SCN8A: variants seen among roughly 807,000 people sequenced by gnomAD.
The protein encoded by SCN8A is sodium voltage-gated channel alpha subunit 8.
In SCN8A, 30 loss-of-function variants were observed where a neutral mutation model predicts 184.1. The observed-to-expected ratio is 0.16, with a 90% CI of 0.12 to 0.22. SCN8A has a LOEUF of 0.22. Ranked by LOEUF, SCN8A falls within the 10% of genes least tolerant of loss-of-function variation. The probability of loss-of-function intolerance (pLI) is 1.00; values close to 1 mark genes in which losing one functional copy is unlikely to be tolerated. For missense variants in SCN8A, 1,057 were observed against 2,498.9 expected (o/e 0.42, Z 12.30); for synonymous variants, 852 against 907.0 (o/e 0.94, Z 1.09).
chr12:51,723,319 C>G (rs1001591491), intron 12 of SCN8A, among the ~76,000 whole-genome samples: 1 of 151,662 alleles, frequency 6.6e-6, no homozygotes, highest in Non-Finnish European at 1.5e-5. Context: ...CCTGTTTGTA[C>G]AAAAAATAAA....
At chr12:51,746,132 A>T in intron 13 of SCN8A, 97 bp downstream of exon 13, 2 of 1,178,316 alleles carry the variant, frequency 1.7e-6, no homozygotes, top group Middle Eastern at 2.1e-4. Flanking sequence ...TTTTGCAAAG[A>T]CTGTCTCTGA....
intron 21 of SCN8A, 140 bp downstream of exon 21, chr12:51,780,911 C>A: frequency 1.9e-6 from 2 of 1,077,666 alleles, no homozygotes; most frequent in South Asian, 2.9e-5. Context: ...ACTCTCTCCC[C>A]CACACCTGCC....
chr12:51,687,265 G>T, intron 5 of SCN8A, 46 bp downstream of exon 5: 3 of 1,606,730 alleles, frequency 1.9e-6, no homozygotes, highest in Non-Finnish European at 2.6e-6. Context: ...GTGATTCTGT[G>T]TGTGGAGTTG....
chr12:51,740,280 G>GA (rs1320917967), intron 12 of SCN8A, among the ~76,000 whole-genome samples: 2 of 152,344 alleles, frequency 1.3e-5, no homozygotes, highest in East Asian at 3.9e-4. Flanking sequence ...ACAAGGTGCT[G>GA]ATAGCTTTAA....
intron 12 of SCN8A, among the ~76,000 whole-genome samples, chr12:51,723,437 A>G (rs1942100978): frequency 2.0e-5 from 3 of 152,216 alleles, no homozygotes; most frequent in Non-Finnish European, 4.4e-5. Flanking sequence ...GGCTACAATG[A>G]GCTATGATCA....
At chr12:51,797,396 G>A (rs1206044842) in intron 26 of SCN8A, among the ~76,000 whole-genome samples, 1 of 93,408 alleles carries the variant, frequency 1.1e-5, no homozygotes, top group Non-Finnish European at 2.7e-5. Flanking sequence ...GCACAAACAT[G>A]TTCTTAACAA....
intron 1 of SCN8A, among the ~76,000 whole-genome samples, chr12:51,629,758 C>G (rs904621072): frequency 1.3e-5 from 2 of 152,024 alleles, no homozygotes; most frequent in Non-Finnish European, 2.9e-5. Context: ...GTGGCATACT[C>G]TTGGGAGAGG....
chr12:51,770,691 C>T lies in SCN8A; in HGVS notation c.3645+8C>T, dbSNP rs768603435. The T allele has an allele frequency of 6.2e-7, 1 of 1,613,072 alleles. No homozygotes were observed. The highest frequency in any genetic ancestry group is 1.1e-5 in the South Asian group (1 of 90,860). On this transcript the variant is annotated splice_region_variant and intron_variant, in intron 19 of 26. Coordinates refer to ENST00000627620, the MANE Select transcript of SCN8A (RefSeq NM_001330260.2). Reference sequence around the variant, plus strand: ...CTGAGCAGTGGCGCCCTGGTGAGGTCCAGGGGAGAGTGTGAGGAGGGATTG... The same window carrying T: ...CTGAGCAGTGGCGCCCTGGTGAGGTTCAGGGGAGAGTGTGAGGAGGGATTG...
chr12:51,608,573 A>G (rs971719550), intron 1 of SCN8A, among the ~76,000 whole-genome samples: 2 of 152,068 alleles, frequency 1.3e-5, no homozygotes, highest in Admixed American at 1.3e-4. Flanking sequence ...TTTCAGTGAT[A>G]TCAGTTGTAA....
chr12:51,648,348 A>G (rs766234404), intron 1 of SCN8A, among the ~76,000 whole-genome samples: 6 of 152,176 alleles, frequency 3.9e-5, no homozygotes, highest in African/African-American at 7.2e-5. Context: ...GACTATAGGC[A>G]TGCCACCACC....
Position 51,765,820 on chromosome 12 carries a change from A to G in SCN8A, c.2694A>G (p.Gly898=). Residue 898 remains glycine, a synonymous_variant, in exon 16 of 27, where the codon GGA becomes GGG. Transcript: ENST00000627620. ...CCGTGGTGGGGATGCAACTCTTTGG[A>G]AAAAGCTACAAAGAGTGTGTCTGCA... ...IFAVVGMQLF[G]KSYKECVCKI... is the part of the protein sequence containing the mutation. 2 of 1,614,000 alleles carry G rather than the reference A, an allele frequency of 1.2e-6. No individual in the cohort carries two copies. The highest frequency in any genetic ancestry group is 8.5e-7 in the Non-Finnish European group (1 of 1,179,976).
In SCN8A at chr12:51,745,931, A is replaced by T; in HGVS notation, c.2027A>T (p.Lys676Ile). Residue 676 changes from lysine to isoleucine, a missense_variant, in exon 13 of 27, where the codon AAA becomes ATA. Lys to Ile is a moderately radical substitution (Grantham distance 102, BLOSUM62 -3). This residue lies in a region of SCN8A where 322 missense variants were observed against 390.1 expected (regional missense o/e 0.83). Transcript: ENST00000627620. The stretch of plus-strand genomic sequence containing the variant: ...ACAACTGAGGTGGAAATTAAGAAGA[A>T]AGGCCCTGGATCTCTTTTAGTTTCC... ...EATTEVEIKK[K>I]GPGSLLVSMD... 6.3e-7 allele frequency: 1 copy of T among 1,595,154 alleles called. No individual in the cohort carries two copies. The highest frequency in any genetic ancestry group is 8.5e-7 in the Non-Finnish European group (1 of 1,173,890).
intron 2 of SCN8A, among the ~76,000 whole-genome samples, chr12:51,663,919 T>TTTTG: frequency 7.4e-6 from 1 of 134,288 alleles, no homozygotes; most frequent in Admixed American, 7.8e-5. Context: ...TTTTTTTTTT[T>TTTTG]TTTTTTTTGA....
At chr12:51,758,661 C>A (rs1942715546) in intron 14 of SCN8A, among the ~76,000 whole-genome samples, 1 of 152,174 alleles carries the variant, frequency 6.6e-6, no homozygotes, top group Admixed American at 6.5e-5. Context: ...TGGTCTTGAA[C>A]TCCTGACCTC....
chr12:51,732,547 G>C (rs981378799), intron 12 of SCN8A, among the ~76,000 whole-genome samples: 1 of 152,036 alleles, frequency 6.6e-6, no homozygotes, highest in Non-Finnish European at 1.5e-5. Flanking sequence ...TGCTTTGGCT[G>C]TTCTGGGTCT....
intron 1 of SCN8A, among the ~76,000 whole-genome samples, chr12:51,609,981 T>A (rs1400787542): frequency 6.6e-6 from 1 of 150,858 alleles, no homozygotes; most frequent in African/African-American, 2.4e-5. Flanking sequence ...ATAAAAAAAA[T>A]ACAATAAAAT....
chr12:51,603,734 T>A (rs191061953), intron 1 of SCN8A, among the ~76,000 whole-genome samples: 10 of 152,092 alleles, frequency 6.6e-5, no homozygotes, highest in African/African-American at 2.4e-4. Flanking sequence ...GGTTTAAATT[T>A]TTTTTTTTTT....
chr12:51,774,432 A>T, intron 20 of SCN8A, 70 bp downstream of exon 20: 4 of 1,449,154 alleles, frequency 2.8e-6, no homozygotes, highest in Non-Finnish European at 3.7e-6. Flanking sequence ...CTCTTTTTCT[A>T]ATGGCAGTAG....
At chr12:51,743,546 G>GAA (rs1942460069) in intron 12 of SCN8A, among the ~76,000 whole-genome samples, 1 of 152,116 alleles carries the variant, frequency 6.6e-6, no homozygotes, top group African/African-American at 2.4e-5. Flanking sequence ...CTTTTTCTGT[G>GAA]CTGAGCCACC....
Sources: gnomAD v4.1 joint callset for allele counts (sites outside exome capture counted in the v4.1 genomes callset) on GRCh38, gnomAD v4.1.1 for gene constraint, gnomAD v4.1.1 regional missense constraint, MANE v1.5 for transcripts, NCBI Gene and HGNC (gene_info 2026-07-23, HGNC 2026-07-21) for gene names.